The following DNAI2 variants were observed in gnomAD, a reference collection of about 807,000 sequenced individuals.
The protein encoded by DNAI2 is dynein, axonemal, intermediate polypeptide 2.
Under a neutral mutation model 74.7 loss-of-function variants are expected in DNAI2, and 63 were observed. The observed-to-expected ratio is 0.84, with a 90% confidence interval of 0.69 to 1.04. The LOEUF is 1.04. DNAI2 is among the 50% of genes least tolerant of loss of function. The pLI is 0.00. For synonymous variants in DNAI2, 289 were observed against 314.9 expected, an observed-to-expected ratio of 0.92 and a Z score of 0.87; for missense variants, 688 against 803.2, an observed-to-expected ratio of 0.86 and a Z score of 1.73.
At chr17:74,312,896 C>T (rs2053619009) in intron 12 of DNAI2, among the ~76,000 whole-genome samples, 1 of 152,088 alleles carries the variant, frequency 6.6e-6, no homozygotes. Context: ...CCTTCAGGCC[C>T]CACAGATAAG....
At chr17:74,304,273 C>A (rs1465724240) in intron 8 of DNAI2, among the ~76,000 whole-genome samples, 1 of 132,316 alleles carries the variant, frequency 7.6e-6, no homozygotes, top group African/African-American at 2.8e-5. Context: ...CGGCTCACTG[C>A]AACCTCTGCC....
chr17:74,275,034 C>T (rs923767011), intron 1 of DNAI2, among the ~76,000 whole-genome samples: 5 of 152,168 alleles, frequency 3.3e-5, no homozygotes, highest in African/African-American at 4.8e-5. Context: ...TTGTTTGTCA[C>T]GGTCAGCAGA....
intron 9 of DNAI2, 150 bp from the exon 10 acceptor site, chr17:74,309,103 T>C: frequency 1.3e-6 from 1 of 786,770 alleles, no homozygotes; most frequent in Non-Finnish European, 2.1e-6. Context: ...TGTGGATGAG[T>C]GAGGTCAGCA....
At chr17:74,307,214 G>T in intron 9 of DNAI2, 1 of 455,950 alleles carries the variant, frequency 2.2e-6, no homozygotes, top group Non-Finnish European at 4.4e-6. Context: ...GGTCCTGCAG[G>T]CTGCCAGGGC....
At chr17:74,296,101 G>A (rs1029388686) in intron 6 of DNAI2, among the ~76,000 whole-genome samples, 5 of 152,088 alleles carry the variant, frequency 3.3e-5, no homozygotes, top group Admixed American at 6.6e-5. Flanking sequence ...TAGACTCCCA[G>A]GAATATGTCA....
At chr17:74,284,422 T>C (rs2051577754) in intron 2 of DNAI2, among the ~76,000 whole-genome samples, 1 of 150,906 alleles carries the variant, frequency 6.6e-6, no homozygotes, top group Admixed American at 6.6e-5. Flanking sequence ...TTTCTTTTTC[T>C]TTTTTTTTGA....
In DNAI2 at chr17:74,289,612, G is replaced by A. The variant is rs1202160928; in HGVS notation, c.486G>A (p.Lys162=). ...CCTGCAGGGACCCCCAGGAAATCAA[G>A]AGGGCTGCCACACACCTCTCCTGGC... ...INVFRDPQEI[K]RAATHLSWHP... is the part of the protein sequence containing the mutation. The change falls in exon 5 of 14, where the codon AAG becomes AAA. Residue 162 remains lysine (K), a synonymous_variant. Transcript: ENST00000311014. 4 of 1,613,846 alleles carry A rather than the reference G, an allele frequency of 2.5e-6. No homozygotes were observed. Among genetic ancestry groups the A allele is most frequent in the Non-Finnish European group, 3.4e-6 (4 of 1,180,010 alleles).
chr17:74,305,576 G>A lies in DNAI2; in HGVS notation c.1211+134G>A, dbSNP rs187222709. On this transcript the variant is annotated intron_variant, in intron 9 of 13. Transcript: ENST00000311014. The stretch of plus-strand genomic sequence containing the variant: ...AACCTTTCCACAAACACCCGAGCTC[G>A]TGTTAGCAAGTGACTTGCTCCAGCC... The A allele has an allele frequency of 4.2e-5, 30 of 721,060 alleles. No individual in the cohort carries two copies. The Admixed American group carries it at 4.6e-4, about 11-fold the overall frequency. 44.7% of individuals were successfully genotyped at this position (721,060 alleles called of 1,614,324 possible). A position where few individuals can be genotyped will look rare whatever the true frequency, so the allele number is the denominator to read the frequency against.
chr17:74,288,603 CA>C (rs1449546991), intron 4 of DNAI2, among the ~76,000 whole-genome samples: 1 of 152,120 alleles, frequency 6.6e-6, no homozygotes, highest in Non-Finnish European at 1.5e-5. Context: ...GCAGCAGCCC[CA>C]GGAACAGAAT....
chr17:74,292,795 G>C (rs1040261981), intron 6 of DNAI2, among the ~76,000 whole-genome samples: 9 of 151,344 alleles, frequency 5.9e-5, no homozygotes, highest in African/African-American at 2.2e-4. Flanking sequence ...ATGAGCACTT[G>C]AGAAGACTAT....
chr17:74,312,194 G>A lies in DNAI2; in HGVS notation c.1686G>A (p.Lys562=). 6.3e-7 allele frequency: 1 copy of A among 1,599,698 alleles called. No homozygotes were observed. The highest frequency in any genetic ancestry group is 8.5e-7 in the Non-Finnish European group (1 of 1,175,426). ...FFDIIFAELK[K]KEADAIKLTP... is the part of the protein sequence containing the mutation. Reference sequence around the variant, plus strand: ...ACATCATCTTCGCAGAGCTGAAGAAGAAGGAGGCAGACGCCATAAAGCTGA... The same window carrying A: ...ACATCATCTTCGCAGAGCTGAAGAAAAAGGAGGCAGACGCCATAAAGCTGA... Residue 562 remains lysine, a synonymous_variant, in exon 12 of 14, where the codon AAG becomes AAA. Coordinates refer to ENST00000311014, the MANE Select transcript of DNAI2 (RefSeq NM_023036.6).
At chr17:74,312,379 G>A (rs1324235955) in intron 12 of DNAI2, 149 bp downstream of exon 12, 1 of 674,494 alleles carries the variant, frequency 1.5e-6, no homozygotes, top group Non-Finnish European at 2.5e-6. Context: ...CAAGTGGGAA[G>A]AATTATTCCC....
At chr17:74,281,379 C>G (rs2051379136) in intron 1 of DNAI2, 2 of 290,026 alleles carry the variant, frequency 6.9e-6, no homozygotes, top group South Asian at 1.7e-4. Flanking sequence ...CCACCTCAGC[C>G]TCCCGAGTAG....
intron 3 of DNAI2, 28 bp downstream of exon 3, chr17:74,285,229 A>G (rs2051643572): frequency 6.2e-7 from 1 of 1,610,108 alleles, no homozygotes. Flanking sequence ...CCCAGCTGCA[A>G]GAGCCCCATC....
rs185506266 is a variant in DNAI2, at chr17:74,314,581, C to T, written c.*56-8C>T. The T allele has an allele frequency of 6.5e-6, 2 of 307,762 alleles. No individual in the cohort carries two copies. The highest frequency in any genetic ancestry group is 4.3e-5 in the African/African-American group (2 of 46,350). 19.1% of individuals were successfully genotyped at this position (307,762 alleles called of 1,614,324 possible). ...CCCCAGCAATCATTTTCGTTTGTAA[C>T]CTTGCAGACCCTCAACCAGACTTGC... On this transcript the variant is annotated splice_region_variant and splice_polypyrimidine_tract_variant and intron_variant, in intron 13 of 13. Coordinates refer to ENST00000311014, the MANE Select transcript of DNAI2 (RefSeq NM_023036.6).
In DNAI2 at chr17:74,306,815, C is replaced by T. The variant is rs575617381; in HGVS notation, c.1211+1373C>T. 2.0e-5 allele frequency among the ~76,000 whole-genome samples: 3 copies of T among 152,266 alleles called. No homozygotes were observed. The South Asian group carries it at 6.2e-4, about 32-fold the overall frequency. ...GTATTTTTAGTATAGACAGAGTTTCCCCATGTTGGCCAGGCTGGTCTCAAA... is the reference window on the plus strand; with the variant it reads ...GTATTTTTAGTATAGACAGAGTTTCTCCATGTTGGCCAGGCTGGTCTCAAA... On this transcript the variant is annotated intron_variant, in intron 9 of 13. Transcript: ENST00000311014.
At chr17:74,286,297 A>AAAT (rs10637482) in intron 3 of DNAI2, among the ~76,000 whole-genome samples, 7,983 of 140,562 alleles carry the variant, frequency 0.057, 413 homozygotes, top group Admixed American at 0.16. Flanking sequence ...CTGTGTCTCA[A>AAAT]AATAATAATA....
rs2052728831 is a variant in DNAI2 at position 74,301,000 on chromosome 17, G to A, written c.865-46G>A. 6.2e-7 allele frequency: 1 copy of A among 1,610,994 alleles called. No homozygotes were observed. Among genetic ancestry groups the A allele is most frequent in the East Asian group, 2.2e-5 (1 of 44,780 alleles). Reference sequence around the variant, plus strand: ...AGGGCGGAGAAGGCAAAAGCCAGGGGAAATACAGGGCCTCGAAGTCTCACT... The same window carrying A: ...AGGGCGGAGAAGGCAAAAGCCAGGGAAAATACAGGGCCTCGAAGTCTCACT... On this transcript the variant is annotated intron_variant, in intron 7 of 13. Transcript: ENST00000311014. This position sits in a 1 kb window ranked among gnomAD's most constrained non-coding sequence, Gnocchi z 4.5.
chr17:74,309,903 C>A, intron 10 of DNAI2, 114 bp from the exon 11 acceptor site: 1 of 1,408,254 alleles, frequency 7.1e-7, no homozygotes, highest in Non-Finnish European at 1.0e-6. Flanking sequence ...CAGAGGCGTC[C>A]TGAGGATGTT....
Sources: allele counts gnomAD v4.1 joint callset (sites outside exome capture counted in the v4.1 genomes callset), GRCh38; gene constraint gnomAD v4.1.1; non-coding constraint Gnocchi (gnomAD v3.1); transcripts MANE v1.5; gene names NCBI Gene and HGNC (gene_info 2026-07-23, HGNC 2026-07-21).